FARP1: variants seen among roughly 807,000 people sequenced by gnomAD.
FARP1 encodes the protein FERM, ARHGEF and pleckstrin domain-containing protein 1.
Under a neutral mutation model 128.8 loss-of-function variants are expected in FARP1, and 52 were observed. The observed-to-expected ratio is 0.40, with a 90% CI of 0.32 to 0.51. The LOEUF (loss-of-function observed/expected upper bound fraction) is 0.51, where lower values mean the gene tolerates loss of function less well. Among genes scored for constraint, FARP1 ranks in the 20% least tolerant of loss-of-function variants. The probability of loss-of-function intolerance (pLI) is 0.45; values close to 1 mark genes in which losing one functional copy is unlikely to be tolerated. For missense variants in FARP1, 1,333 were observed against 1,367.9 expected, an observed-to-expected ratio of 0.97 and a Z score of 0.40; for synonymous variants, 580 against 551.8, an observed-to-expected ratio of 1.05 and a Z score of -0.72.
chr13:98,406,349 G>T (rs1890970755), intron 13 of FARP1: 1 of 152,200 alleles, frequency 6.6e-6, no homozygotes, highest in African/African-American at 2.4e-5. Context: ...CACAGATGCA[G>T]CTCAAATTAG....
At chr13:98,195,890 G>A (rs2139250026) in intron 1 of FARP1, among the ~76,000 whole-genome samples, 1 of 152,170 alleles carries the variant, frequency 6.6e-6, no homozygotes, top group South Asian at 2.1e-4. Context: ...GCTGGGCGTG[G>A]TGGTACATGC....
chr13:98,271,190 T>C (rs1423588568), intron 2 of FARP1, among the ~76,000 whole-genome samples: 1 of 152,180 alleles, frequency 6.6e-6, no homozygotes, highest in African/African-American at 2.4e-5. Context: ...GACACTACGC[T>C]AGTTGTTGAG....
intron 5 of FARP1, among the ~76,000 whole-genome samples, chr13:98,377,310 AAAAAG>A (rs1889630556): frequency 6.6e-6 from 1 of 151,938 alleles, no homozygotes; most frequent in Admixed American, 6.6e-5. Context: ...CAAAAAAAAA[AAAAAG>A]AAAAGAAAAT....
chr13:98,410,682 C>G, intron 14 of FARP1, 52 bp from the exon 15 acceptor site: 1 of 857,444 alleles, frequency 1.2e-6, no homozygotes. Flanking sequence ...TTCTCCGAGA[C>G]GCATACTCAA....
chr13:98,410,868 C>A, intron 15 of FARP1, 45 bp downstream of exon 15: 1 of 983,004 alleles, frequency 1.0e-6, no homozygotes, highest in Non-Finnish European at 1.6e-6. Flanking sequence ...CATGATTTAT[C>A]TCAGCTAATA....
chr13:98,222,883 G>T (rs900083120), intron 2 of FARP1, among the ~76,000 whole-genome samples: 1 of 150,478 alleles, frequency 6.6e-6, no homozygotes, highest in African/African-American at 2.5e-5. Context: ...CAACCCGGCT[G>T]CCTTGGCCTC....
chr13:98,376,070 G>T (rs1204351299), intron 5 of FARP1, among the ~76,000 whole-genome samples: 1 of 152,114 alleles, frequency 6.6e-6, no homozygotes, highest in Non-Finnish European at 1.5e-5. Context: ...GGTTCGGTTT[G>T]GTTTTGTCTT....
chr13:98,384,999 T>G (rs532290796), intron 7 of FARP1, among the ~76,000 whole-genome samples, 155 bp downstream of exon 7: 5 of 152,288 alleles, frequency 3.3e-5, no homozygotes, highest in Non-Finnish European at 5.9e-5. Context: ...TGGGATGTGG[T>G]GATTCATCCT....
At position 98,451,803 on chromosome 13, in the gene FARP1, T is replaced by G. The variant is rs1431262081; in HGVS notation, c.*3486T>G. 1.3e-5 allele frequency: 2 copies of G among 152,228 alleles called. No homozygotes were observed. Among genetic ancestry groups the G allele is most frequent in the Non-Finnish European group, 2.9e-5 (2 of 68,082 alleles). The allele number at this position is 152,228 out of a possible 1,614,324, so 9.4% of individuals were successfully genotyped here. A position where few individuals can be genotyped will look rare whatever the true frequency, so the allele number is the denominator to read the frequency against. Reference sequence around the variant, plus strand: ...CCTCCCACTCCAGAAACCCAGAGATTTTCCCCCTCGCCAAGCAAGGTCCCA... The same window carrying G: ...CCTCCCACTCCAGAAACCCAGAGATGTTCCCCCTCGCCAAGCAAGGTCCCA... On this transcript the variant is annotated 3_prime_UTR_variant, in exon 27 of 27. Transcript: ENST00000319562.
At chr13:98,305,336 T>C (rs1364181251) in intron 2 of FARP1, among the ~76,000 whole-genome samples, 2 of 151,758 alleles carry the variant, frequency 1.3e-5, no homozygotes, top group African/African-American at 2.4e-5. Flanking sequence ...TTCTTTCTTT[T>C]TTTTTTTTGA....
At chr13:98,177,356 C>T (rs1429676252) in intron 1 of FARP1, 4 of 797,370 alleles carry the variant, frequency 5.0e-6, no homozygotes, top group Non-Finnish European at 7.5e-6. Context: ...GAAAGAAAAG[C>T]TTCTGCTAGG....
chr13:98,153,642 C>T (rs1876292537), intron 1 of FARP1, among the ~76,000 whole-genome samples: 1 of 145,286 alleles, frequency 6.9e-6, no homozygotes, highest in Non-Finnish European at 1.5e-5. Context: ...TGGCTTGCTG[C>T]AACCTCCGAC....
intron 2 of FARP1, among the ~76,000 whole-genome samples, chr13:98,343,316 T>C (rs563044064): frequency 6.6e-6 from 1 of 152,290 alleles, no homozygotes; most frequent in African/African-American, 2.4e-5. Context: ...CATAGAACTT[T>C]ACAGCACACG....
At chr13:98,259,971 A>G (rs1349035793) in intron 2 of FARP1, among the ~76,000 whole-genome samples, 1 of 150,424 alleles carries the variant, frequency 6.6e-6, no homozygotes, top group Non-Finnish European at 1.5e-5. Context: ...TTCCATGTTG[A>G]TAAAACAAGG....
At position 98,435,834 on chromosome 13, in the gene FARP1, G is replaced by C. The variant is rs769064428; in HGVS notation, c.2274+128G>C. ...ATGTCCTCTTTCCATCCACCTGGGAGACAACTGGAAAAACACAACAGTGTC... is the reference window on the plus strand; with the variant it reads ...ATGTCCTCTTTCCATCCACCTGGGACACAACTGGAAAAACACAACAGTGTC... On this transcript the variant is annotated intron_variant, in intron 19 of 26. Transcript: ENST00000319562. 1.1e-5 allele frequency: 11 copies of C among 965,240 alleles called. No homozygotes were observed. In the African/African-American group the frequency reaches 1.3e-4, roughly 11 times the overall value. 59.8% of individuals were successfully genotyped at this position (965,240 alleles called of 1,614,324 possible).
chr13:98,360,869 C>T (rs1386621697), intron 3 of FARP1, among the ~76,000 whole-genome samples: 5 of 152,040 alleles, frequency 3.3e-5, no homozygotes, highest in East Asian at 3.9e-4. Context: ...ACAGGGGCTA[C>T]GGTTTGGTTG....
chr13:98,425,832 CTTTT>C lies in FARP1; in HGVS notation c.1905+1186_1905+1189del, dbSNP rs543627881. Among the ~76,000 whole-genome samples the C allele has an allele frequency of 2.3e-3, 343 of 152,290 alleles. 1 individual carries two copies. Among genetic ancestry groups the C allele is most frequent in the Non-Finnish European group, 3.9e-3 (264 of 68,024 alleles). ...CCCATCTCTTATATCTGAAATCTTC[CTTTT>C]TTTGTTTTCATTTGAATCCATTAAT... On this transcript the variant is annotated intron_variant, in intron 17 of 26. Coordinates refer to ENST00000319562, the MANE Select transcript of FARP1 (RefSeq NM_005766.4).
At chr13:98,247,627 G>A (rs1377370562) in intron 2 of FARP1, among the ~76,000 whole-genome samples, 3 of 152,212 alleles carry the variant, frequency 2.0e-5, no homozygotes, top group African/African-American at 7.2e-5. Flanking sequence ...TGGGATCCAG[G>A]GCAGGGGAGG....
intron 2 of FARP1, among the ~76,000 whole-genome samples, chr13:98,258,693 T>TG (rs994562230): frequency 2.0e-5 from 3 of 151,074 alleles, no homozygotes; most frequent in South Asian, 2.1e-4. Flanking sequence ...ATCTCTATTG[T>TG]GGGGAAAAAA....
Sources: gnomAD v4.1 joint callset for allele counts (sites outside exome capture counted in the v4.1 genomes callset) on GRCh38, gnomAD v4.1.1 for gene constraint, MANE v1.5 for transcripts, NCBI Gene and HGNC (gene_info 2026-07-23, HGNC 2026-07-21) for gene names.